The following FBXL17 variants were observed in gnomAD, a reference collection of about 807,000 sequenced individuals.
FBXL17 encodes F-box and leucine rich repeat protein 17.
Under a neutral mutation model 66.2 loss-of-function variants are expected in FBXL17, and 22 were observed. The ratio of observed to expected loss-of-function variants is 0.33; its 90% CI spans 0.24 to 0.47. The LOEUF (loss-of-function observed/expected upper bound fraction) is 0.47, where lower values mean the gene tolerates loss of function less well. Ranked by LOEUF, FBXL17 falls within the 20% of genes least tolerant of loss-of-function variation. The pLI is 1.00. For missense variants in FBXL17, 878 were observed against 948.2 expected (o/e 0.93, Z 0.97); for synonymous variants, 474 against 400.5 (o/e 1.18, Z -2.19).
In FBXL17 at chr5:108,224,612, G is replaced by A. The variant is rs1233759574; in HGVS notation, c.1507-384C>T. On this transcript the variant is annotated intron_variant, in intron 4 of 8. Coordinates refer to ENST00000542267, the MANE Select transcript of FBXL17 (RefSeq NM_001163315.3). ...GGGGTTTTTTGTTTTGTTTTGTTTT[G>A]ACAGAGACTCACTGTGTTGCCCAGG... Among the ~76,000 whole-genome samples, 3 of 151,346 alleles carry A rather than the reference G, an allele frequency of 2.0e-5. No individual in the cohort carries two copies. The East Asian group carries it at 5.8e-4, about 29-fold the overall frequency.
At chr5:108,378,472 A>G (rs1749605355) in intron 1 of FBXL17, among the ~76,000 whole-genome samples, 2 of 150,328 alleles carry the variant, frequency 1.3e-5, no homozygotes, top group South Asian at 2.1e-4. Context: ...ATGTTTTCCA[A>G]TAGTGATGAT....
intron 1 of FBXL17, among the ~76,000 whole-genome samples, chr5:108,372,537 C>A (rs1749115249): frequency 6.6e-6 from 1 of 152,016 alleles, no homozygotes; most frequent in Non-Finnish European, 1.5e-5. Flanking sequence ...AAGAAAAATG[C>A]AACTCGTGAA....
At chr5:108,326,078 T>G (rs1759834172) in intron 4 of FBXL17, among the ~76,000 whole-genome samples, 1 of 152,078 alleles carries the variant, frequency 6.6e-6, no homozygotes, top group African/African-American at 2.4e-5. Context: ...GAAAAACAAC[T>G]GATACTATCA....
At chr5:108,305,314 G>A (rs984599120) in intron 4 of FBXL17, among the ~76,000 whole-genome samples, 14 of 152,020 alleles carry the variant, frequency 9.2e-5, no homozygotes, top group African/African-American at 2.7e-4. Flanking sequence ...ACACACTGGG[G>A]CCCACTGGAG....
intron 4 of FBXL17, among the ~76,000 whole-genome samples, chr5:108,252,723 T>C (rs1189202127): frequency 6.6e-6 from 1 of 152,118 alleles, no homozygotes; most frequent in Non-Finnish European, 1.5e-5. Flanking sequence ...GAGGGCAAAA[T>C]GTCACAGAAA....
chr5:108,239,681 G>A (rs142203012), intron 4 of FBXL17, among the ~76,000 whole-genome samples: 22 of 152,230 alleles, frequency 1.4e-4, no homozygotes, highest in African/African-American at 4.3e-4. Flanking sequence ...CACAGCCAGC[G>A]AAACTGAAGG....
intron 6 of FBXL17, among the ~76,000 whole-genome samples, chr5:108,171,490 G>A (rs1179912206): frequency 6.6e-6 from 1 of 152,124 alleles, no homozygotes; most frequent in Non-Finnish European, 1.5e-5. Flanking sequence ...ATGTCATGGA[G>A]TTAATGTGAT....
At chr5:108,278,081 G>A (rs1441797133) in intron 4 of FBXL17, among the ~76,000 whole-genome samples, 1 of 152,160 alleles carries the variant, frequency 6.6e-6, no homozygotes, top group African/African-American at 2.4e-5. Context: ...CTGCTTGGCT[G>A]GGACCAGCCA....
Position 108,054,246 on chromosome 5 carries a change from T to TAA in FBXL17, c.1746-33247_1746-33246dup, listed in dbSNP as rs34035220. ...CCGGAACGTAAAGTAAAATAAAAAT[T>TAA]AAAAAAAAAAAAAAGTCTTTATTTC... On this transcript the variant is annotated intron_variant, in intron 6 of 8. Coordinates refer to ENST00000542267, the MANE Select transcript of FBXL17 (RefSeq NM_001163315.3). Among the ~76,000 whole-genome samples the TAA allele has an allele frequency of 1.0e-3, 149 of 146,172 alleles. 1 individual carries two copies. The highest frequency in any genetic ancestry group is 3.8e-3 in the African/African-American group (149 of 39,122).
intron 7 of FBXL17, among the ~76,000 whole-genome samples, chr5:107,960,978 A>G (rs2112627302): frequency 6.6e-6 from 1 of 152,234 alleles, no homozygotes; most frequent in African/African-American, 2.4e-5. Context: ...TGGGGAACTG[A>G]GGAGAGGTGG....
intron 4 of FBXL17, among the ~76,000 whole-genome samples, chr5:108,338,098 A>T (rs2150251554): frequency 6.6e-6 from 1 of 152,258 alleles, no homozygotes; most frequent in East Asian, 1.9e-4. Flanking sequence ...TGTATGAAAT[A>T]GCAAGCTACA....
At chr5:108,016,183 A>C (rs139775794) in intron 7 of FBXL17, among the ~76,000 whole-genome samples, 4,219 of 152,316 alleles carry the variant, frequency 0.028, 95 homozygotes, top group Middle Eastern at 0.051. Flanking sequence ...TTTTGCCCAG[A>C]GCAATTCAAA....
intron 4 of FBXL17, among the ~76,000 whole-genome samples, chr5:108,341,147 T>G (rs1448012726): frequency 6.6e-6 from 1 of 152,104 alleles, no homozygotes; most frequent in African/African-American, 2.4e-5. Context: ...TTTATACATA[T>G]AATAGAATAC....
At chr5:107,895,788 T>C (rs920634664) in intron 7 of FBXL17, among the ~76,000 whole-genome samples, 2 of 152,212 alleles carry the variant, frequency 1.3e-5, no homozygotes, top group Non-Finnish European at 2.9e-5. Flanking sequence ...TGTCCAGTGT[T>C]GTTACCAAAA....
intron 6 of FBXL17, among the ~76,000 whole-genome samples, chr5:108,122,120 C>T (rs1351870881): frequency 6.6e-6 from 1 of 152,042 alleles, no homozygotes; most frequent in Non-Finnish European, 1.5e-5. Flanking sequence ...GTACCAGGTA[C>T]TATACTAGGT....
chr5:108,256,012 A>C (rs935225951), intron 4 of FBXL17, among the ~76,000 whole-genome samples: 7 of 152,168 alleles, frequency 4.6e-5, no homozygotes, highest in African/African-American at 1.7e-4. Context: ...AAGCAAGACC[A>C]AGATCAGTGG....
At chr5:108,025,680 TACACAC>T (rs151215184) in intron 6 of FBXL17, among the ~76,000 whole-genome samples, 5 of 130,142 alleles carry the variant, frequency 3.8e-5, no homozygotes, top group Admixed American at 7.7e-5. Context: ...CTACAACACA[TACACAC>T]ACACACACAC....
intron 4 of FBXL17, among the ~76,000 whole-genome samples, chr5:108,338,827 C>A (rs1287054873): frequency 6.6e-6 from 1 of 152,120 alleles, no homozygotes; most frequent in Non-Finnish European, 1.5e-5. Context: ...TATGTTCAAA[C>A]CTTTGTAAAT....
chr5:107,995,437 A>G (rs1055763519), intron 7 of FBXL17, among the ~76,000 whole-genome samples: 1 of 152,182 alleles, frequency 6.6e-6, no homozygotes, highest in African/African-American at 2.4e-5. Context: ...TTTAAACTCT[A>G]TCAGGTGAAC....
Sources: allele counts gnomAD v4.1 joint callset (sites outside exome capture counted in the v4.1 genomes callset), GRCh38; gene constraint gnomAD v4.1.1; transcripts MANE v1.5; gene names NCBI Gene and HGNC (gene_info 2026-07-23, HGNC 2026-07-21).